NREP: variants seen among roughly 807,000 people sequenced by gnomAD.
NREP encodes the protein neuronal regeneration related protein.
Under a neutral mutation model 8.6 loss-of-function variants are expected in NREP, and 5 were observed. That is an observed-to-expected ratio of 0.58 (90% CI 0.30 to 1.22). The LOEUF (loss-of-function observed/expected upper bound fraction) is 1.22, where lower values mean the gene tolerates loss of function less well. NREP is among the 50% of genes most tolerant of loss of function. The pLI is 0.07. For synonymous variants in NREP, 27 were observed against 28.0 expected (o/e 0.96, Z 0.11); for missense variants, 86 against 82.5 (o/e 1.04, Z -0.17).
chr5:111,911,484 C>T (rs965697571), intron 2 of NREP, among the ~76,000 whole-genome samples: 1 of 152,022 alleles, frequency 6.6e-6, no homozygotes, highest in African/African-American at 2.4e-5. Flanking sequence ...TTAATCAAGA[C>T]AATATTGAGT....
chr5:111,810,176 A>G (rs1752239186), intron 2 of NREP, among the ~76,000 whole-genome samples: 2 of 152,186 alleles, frequency 1.3e-5, no homozygotes, highest in Admixed American at 1.3e-4. Flanking sequence ...GTTGATACAT[A>G]TGAGAAAAGT....
At chr5:111,736,174 A>C (rs1056140086) in intron 2 of NREP, among the ~76,000 whole-genome samples, 6 of 152,218 alleles carry the variant, frequency 3.9e-5, no homozygotes, top group Admixed American at 6.5e-5. Flanking sequence ...GTTGCCGACC[A>C]GCTGTTCTCC....
Position 111,882,065 on chromosome 5 carries a change from G to T in NREP, c.135+93209C>A, listed in dbSNP as rs563781749. Reference sequence around the variant, plus strand: ...GGAGGAAATTCAAACCAAAGGCAAAGAAGTTCAAAACTTTGAAAAAAATGT... The same window carrying T: ...GGAGGAAATTCAAACCAAAGGCAAATAAGTTCAAAACTTTGAAAAAAATGT... On this transcript the variant is annotated intron_variant, in intron 2 of 3. Transcript: ENST00000395634. Among the ~76,000 whole-genome samples the T allele has an allele frequency of 2.4e-4, 37 of 152,242 alleles. 1 individual carries two copies. Among genetic ancestry groups the T allele is most frequent in the Non-Finnish European group, 4.7e-4 (32 of 68,014 alleles).
chr5:111,871,138 C>A (rs1337611436), intron 2 of NREP, among the ~76,000 whole-genome samples: 2 of 149,844 alleles, frequency 1.3e-5, no homozygotes, highest in African/African-American at 4.9e-5. Flanking sequence ...GCGTGTTAGG[C>A]AACTTCATCA....
At chr5:111,858,363 C>A (rs991157699) in intron 2 of NREP, among the ~76,000 whole-genome samples, 1 of 152,096 alleles carries the variant, frequency 6.6e-6, no homozygotes, top group African/African-American at 2.4e-5. Flanking sequence ...GGTTTTTCCA[C>A]AACCCGGGTC....
In NREP at chr5:111,953,883, A is replaced by T. The variant is rs181356441; in HGVS notation, c.135+21391T>A. 3.3e-5 allele frequency among the ~76,000 whole-genome samples: 5 copies of T among 152,294 alleles called. No individual in the cohort carries two copies. In the East Asian group the frequency reaches 9.7e-4, roughly 29 times the overall value. ...AATATATTTAGGGAAGTGTATTGAA[A>T]TAATTACCCCTGGGGATGATACATC... On this transcript the variant is annotated intron_variant, in intron 2 of 3. Coordinates refer to the NREP transcript ENST00000395634.
At chr5:111,908,653 CT>C (rs34509896) in intron 2 of NREP, among the ~76,000 whole-genome samples, 16,731 of 151,822 alleles carry the variant, frequency 0.11, 1,420 homozygotes, top group African/African-American at 0.23. Context: ...ATACATACCA[CT>C]TTTTTTTAAT....
chr5:111,916,729 G>C (rs996793868), intron 2 of NREP, among the ~76,000 whole-genome samples: 2 of 152,070 alleles, frequency 1.3e-5, no homozygotes, highest in Non-Finnish European at 2.9e-5. Flanking sequence ...TACTTCACAG[G>C]GTTGTTTAAG....
At chr5:111,881,738 T>C (rs2112515757) in intron 2 of NREP, among the ~76,000 whole-genome samples, 1 of 152,268 alleles carries the variant, frequency 6.6e-6, no homozygotes, top group South Asian at 2.1e-4. Context: ...AGTGGACCTC[T>C]AGCAAACTCC....
chr5:111,794,866 T>C (rs1189805838), intron 2 of NREP, among the ~76,000 whole-genome samples: 1 of 152,116 alleles, frequency 6.6e-6, no homozygotes, highest in Non-Finnish European at 1.5e-5. Flanking sequence ...GGTTCATCAA[T>C]TGTAACAAAT....
chr5:111,782,556 C>G (rs1224475045), intron 2 of NREP, among the ~76,000 whole-genome samples: 1 of 152,098 alleles, frequency 6.6e-6, no homozygotes, highest in Non-Finnish European at 1.5e-5. Context: ...AAACGTTTGA[C>G]TCTTCTGTGA....
chr5:111,761,314 G>C (rs1470084014), upstream of NREP, among the ~76,000 whole-genome samples: 3 of 152,132 alleles, frequency 2.0e-5, no homozygotes, highest in Non-Finnish European at 2.9e-5. Context: ...TTGAATGAGG[G>C]CACTTTTGCA....
intron 2 of NREP, among the ~76,000 whole-genome samples, chr5:111,827,556 C>T (rs1752657751): frequency 6.6e-6 from 1 of 152,180 alleles, no homozygotes; most frequent in Non-Finnish European, 1.5e-5. Flanking sequence ...TTGAATAAAA[C>T]CTGTGTGCTC....
intron 2 of NREP, among the ~76,000 whole-genome samples, chr5:111,804,261 T>C (rs1752084771): frequency 1.3e-5 from 2 of 152,318 alleles, no homozygotes; most frequent in African/African-American, 2.4e-5. Context: ...AAAGGTCACA[T>C]TTCAAAACAC....
intron 2 of NREP, among the ~76,000 whole-genome samples, chr5:111,824,985 T>C (rs571715402): frequency 2.0e-5 from 3 of 152,316 alleles, no homozygotes; most frequent in East Asian, 3.9e-4. Context: ...GCTTAATTCA[T>C]AGTCACAGAA....
At chr5:111,897,524 G>A (rs1754540003) in intron 2 of NREP, among the ~76,000 whole-genome samples, 2 of 152,064 alleles carry the variant, frequency 1.3e-5, no homozygotes, top group African/African-American at 2.4e-5. Flanking sequence ...TGCCAGCTGG[G>A]TTAAACTTGT....
At chr5:111,929,417 CT>C (rs1261839760) in intron 2 of NREP, among the ~76,000 whole-genome samples, 1 of 152,170 alleles carries the variant, frequency 6.6e-6, no homozygotes, top group Non-Finnish European at 1.5e-5. Context: ...GGTAGGAAGC[CT>C]AAGGGCCTTT....
At chr5:111,781,043 A>G (rs1179951400) in intron 2 of NREP, among the ~76,000 whole-genome samples, 4 of 152,098 alleles carry the variant, frequency 2.6e-5, no homozygotes, top group African/African-American at 9.7e-5. Flanking sequence ...GGTTTTTTAT[A>G]TAGGTCAACT....
upstream of NREP, chr5:111,757,747 C>T: frequency 2.0e-6 from 2 of 983,696 alleles, no homozygotes; most frequent in Non-Finnish European, 1.2e-6. Flanking sequence ...GAGCACGGCG[C>T]GCGCAAATCC....
Sources: gnomAD v4.1 joint callset for allele counts (sites outside exome capture counted in the v4.1 genomes callset) on GRCh38, gnomAD v4.1.1 for gene constraint, MANE v1.5 for transcripts, NCBI Gene and HGNC (gene_info 2026-07-23, HGNC 2026-07-21) for gene names.